Variants in RPS12 observed in about 807,000 individuals in gnomAD.
The protein encoded by RPS12 is ribosomal protein S12.
In RPS12, 1 loss-of-function variant was observed where a neutral mutation model predicts 17.2. The observed-to-expected ratio is 0.06, with a 90% CI of 0.02 to 0.28. The LOEUF (loss-of-function observed/expected upper bound fraction) is 0.28, where lower values mean the gene tolerates loss of function less well. RPS12 is among the 10% of genes least tolerant of loss of function. RPS12 has a pLI of 1.00. For missense variants in RPS12, 146 were observed against 162.1 expected, an observed-to-expected ratio of 0.90 and a Z score of 0.54; for synonymous variants, 67 against 54.0, an observed-to-expected ratio of 1.24 and a Z score of -1.06.
chr6:132,815,939 G>A (rs2114711426), intron 3 of RPS12: 1 of 453,140 alleles, frequency 2.2e-6, no homozygotes, highest in Admixed American at 2.4e-5. Context: ...CCAGGTTCAA[G>A]CGATTCTTCT....
intron 3 of RPS12, chr6:132,816,123 C>T (rs762922778): frequency 2.6e-5 from 10 of 381,924 alleles, no homozygotes; most frequent in African/African-American, 1.0e-4. Context: ...AGTGAGCCAT[C>T]GTGCCCGGCC....
At position 132,816,483 on chromosome 6, in the gene RPS12, C is replaced by G; in HGVS notation, c.154C>G (p.Leu52Val). Residue 52 changes from leucine (L) to valine (V), a missense_variant, in exon 4 of 6, where the codon CTT becomes GTT. By Grantham distance (32) the Leu-to-Val change is conservative. Coordinates refer to ENST00000230050, the MANE Select transcript of RPS12 (RefSeq NM_001016.4). Reference protein sequence around the residue: ...LDKRQAHLCVLASNCDEPMYV... With the variant: ...LDKRQAHLCVVASNCDEPMYV... ...CAGGCGCCAAGCCCATCTTTGTGTG[C>G]TTGCATCCAACTGTGATGAGCCTAT... The G allele has an allele frequency of 1.2e-6, 2 of 1,608,500 alleles. No individual in the cohort carries two copies. Among genetic ancestry groups the G allele is most frequent in the Non-Finnish European group, 1.7e-6 (2 of 1,178,340 alleles).
rs369163823 is a variant in RPS12 at position 132,814,766 on chromosome 6, G to T, written c.-3G>T. 1 of 1,613,556 alleles carries T rather than the reference G, an allele frequency of 6.2e-7. No individual in the cohort carries two copies. Among genetic ancestry groups the T allele is most frequent in the Non-Finnish European group, 8.5e-7 (1 of 1,179,596 alleles). On this transcript the variant is annotated 5_prime_UTR_variant, in exon 2 of 6. Coordinates refer to ENST00000230050, the MANE Select transcript of RPS12 (RefSeq NM_001016.4). Reference sequence around the variant, plus strand: ...GATTCAACTTCACCCGTAACCCACCGCCATGGCCGAGGAAGGGTGAGCCCA... The same window carrying T: ...GATTCAACTTCACCCGTAACCCACCTCCATGGCCGAGGAAGGGTGAGCCCA...
intron 5 of RPS12, 158 bp downstream of exon 5, chr6:132,817,219 AAGCC>A (rs773045115): frequency 1.3e-6 from 1 of 771,828 alleles, no homozygotes; most frequent in Non-Finnish European, 2.3e-6. Flanking sequence ...TGTAATTTAC[AAGCC>A]AGCCAATGAA....
At chr6:132,816,917 C>T (rs755895078) in intron 4 of RPS12, 43 bp from the exon 5 acceptor site, 3 of 1,260,100 alleles carry the variant, frequency 2.4e-6, no homozygotes, top group Admixed American at 1.8e-5. Context: ...GTGTTAATGT[C>T]TATTAATGTG....
rs753180338 is a variant in RPS12, at chr6:132,817,468, G to GT, written c.337-4dup. The stretch of plus-strand genomic sequence containing the variant: ...TAACAAGAAATTGCATGCGTGTTTT[G>GT]TTTTTTTTAAGGACTATGGCAAGGA... On this transcript the variant is annotated splice_polypyrimidine_tract_variant and intron_variant, in intron 5 of 5. Transcript: ENST00000230050. 1,196 of 1,545,166 alleles carry GT rather than the reference G, an allele frequency of 7.7e-4. No individual in the cohort carries two copies. The highest frequency in any genetic ancestry group is 9.2e-4 in the Non-Finnish European group (1,031 of 1,123,544).
In RPS12 at chr6:132,814,635, G is replaced by T. The variant is rs1434696465; in HGVS notation, c.-38+22G>T. 41 of 1,075,592 alleles carry T rather than the reference G, an allele frequency of 3.8e-5. 1 individual carries two copies. The Admixed American group carries it at 4.8e-4, about 13-fold the overall frequency. 66.6% of individuals were successfully genotyped at this position (1,075,592 alleles called of 1,614,324 possible). A position where few individuals can be genotyped will look rare whatever the true frequency, so the allele number is the denominator to read the frequency against. On this transcript the variant is annotated intron_variant, in intron 1 of 5. Transcript: ENST00000230050. ...TGGGGTAAGTTGAGCGAGGCGGCAG[G>T]GGGGTGTATTGGTTATAATTTGTGG... is the stretch of plus-strand genomic sequence containing the variant.
intron 4 of RPS12, 90 bp downstream of exon 4, chr6:132,816,653 G>T: frequency 1.1e-6 from 1 of 927,964 alleles, no homozygotes; most frequent in Non-Finnish European, 1.8e-6. Context: ...TGTTCATTTT[G>T]TGCAGGTGTA....
intron 3 of RPS12, chr6:132,815,899 G>C (rs1179882411): frequency 2.2e-6 from 1 of 451,160 alleles, no homozygotes; most frequent in Non-Finnish European, 4.4e-6. Context: ...CTGGAGTGCA[G>C]TGGCGCGATC....
chr6:132,815,655 T>TG (rs1782033260), intron 3 of RPS12: 1 of 456,702 alleles, frequency 2.2e-6, no homozygotes, highest in Non-Finnish European at 4.4e-6. Flanking sequence ...TGAATTTAAA[T>TG]GCAGTTTTAA....
At chr6:132,817,295 T>C in intron 5 of RPS12, 185 bp from the exon 6 acceptor site, 1 of 773,824 alleles carries the variant, frequency 1.3e-6, no homozygotes, top group South Asian at 1.4e-5. Context: ...TAAAGCCATG[T>C]TACGAGCCTT....
At chr6:132,817,110 T>C (rs2236381) in intron 5 of RPS12, 49 bp downstream of exon 5, 451,340 of 1,132,326 alleles carry the variant, frequency 0.4, 91,227 homozygotes, top group Admixed American at 0.57. Context: ...GGTAATCATA[T>C]AAAACCTTGT....
At chr6:132,815,975 G>A in intron 3 of RPS12, 2 of 447,654 alleles carry the variant, frequency 4.5e-6, no homozygotes, top group Non-Finnish European at 8.9e-6. Flanking sequence ...GGAATTACAG[G>A]CACACGCCAC....
intron 3 of RPS12, chr6:132,815,840 T>C (rs13193581): frequency 4.7e-6 from 2 of 429,502 alleles, no homozygotes; most frequent in Non-Finnish European, 9.1e-6. Context: ...TTTTTTTTTC[T>C]TTTTTCTTTT....
intron 5 of RPS12, 83 bp downstream of exon 5, chr6:132,817,144 T>A (rs1412733139): frequency 2.1e-6 from 2 of 939,950 alleles, no homozygotes; most frequent in Non-Finnish European, 3.5e-6. Flanking sequence ...GAGGATCTTA[T>A]AAAAGGAAAA....
chr6:132,814,767 C>T lies in RPS12; in HGVS notation c.-2C>T, dbSNP rs1481411798. The stretch of plus-strand genomic sequence containing the variant: ...ATTCAACTTCACCCGTAACCCACCG[C>T]CATGGCCGAGGAAGGGTGAGCCCAG... On this transcript the variant is annotated 5_prime_UTR_variant, in exon 2 of 6. Transcript: ENST00000230050. The T allele has an allele frequency of 1.2e-6, 2 of 1,613,602 alleles. No homozygotes were observed. The highest frequency in any genetic ancestry group is 1.7e-5 in the Admixed American group (1 of 59,992).
rs1229839198 is a variant in RPS12, at chr6:132,815,736, A to G, written c.131+648A>G. On this transcript the variant is annotated intron_variant, in intron 3 of 5. Coordinates refer to ENST00000230050, the MANE Select transcript of RPS12 (RefSeq NM_001016.4). ...TCCGATGGAAACGGCATTATTGTTTAATGTATTTAGTAGGTCCTAGTATGA... is the reference window on the plus strand; with the variant it reads ...TCCGATGGAAACGGCATTATTGTTTGATGTATTTAGTAGGTCCTAGTATGA... 8.8e-6 allele frequency: 4 copies of G among 456,516 alleles called. No individual in the cohort carries two copies. In the East Asian group the frequency reaches 2.8e-4, roughly 32 times the overall value. 28.3% of individuals were successfully genotyped at this position (456,516 alleles called of 1,614,324 possible). A position where few individuals can be genotyped will look rare whatever the true frequency, so the allele number is the denominator to read the frequency against.
intron 2 of RPS12, 81 bp downstream of exon 2, chr6:132,814,863 TCAAACGG>T (rs2114709032): frequency 6.9e-7 from 1 of 1,458,628 alleles, no homozygotes; most frequent in African/African-American, 1.4e-5. Context: ...CAGGACTGGG[TCAAACGG>T]GTCGCCGTAA....
chr6:132,817,397 G>A (rs1257492493), intron 5 of RPS12, 83 bp from the exon 6 acceptor site: 1 of 906,316 alleles, frequency 1.1e-6, no homozygotes, highest in East Asian at 2.4e-5. Context: ...AATTGTTGAA[G>A]CTCCACTATA....
Sources: allele counts gnomAD v4.1 joint callset, GRCh38; gene constraint gnomAD v4.1.1; transcripts MANE v1.5; gene names NCBI Gene and HGNC (gene_info 2026-07-23, HGNC 2026-07-21).